The following MEGF9 variants were observed in gnomAD, a reference collection of about 807,000 sequenced individuals.
MEGF9 encodes the protein multiple epidermal growth factor-like domains protein 9.
In MEGF9, 6 loss-of-function variants were observed where a neutral mutation model predicts 46.8. The ratio of observed to expected loss-of-function variants is 0.13; its 90% CI spans 0.07 to 0.25. MEGF9 has a LOEUF of 0.25. Among genes scored for constraint, MEGF9 ranks in the 10% least tolerant of loss-of-function variants. The pLI is 1.00. For missense variants in MEGF9, 683 were observed against 792.4 expected, an observed-to-expected ratio of 0.86 and a Z score of 1.66; for synonymous variants, 302 against 330.7, an observed-to-expected ratio of 0.91 and a Z score of 0.94.
intron 3 of MEGF9, among the ~76,000 whole-genome samples, chr9:120,615,037 C>T (rs1222067605): frequency 6.6e-5 from 10 of 151,446 alleles, no homozygotes; most frequent in Admixed American, 4.6e-4. Context: ...GTCAGGAGTT[C>T]GAGACCAGCC....
chr9:120,677,192 G>C (rs561412996), intron 1 of MEGF9, among the ~76,000 whole-genome samples: 1 of 151,906 alleles, frequency 6.6e-6, no homozygotes, highest in Admixed American at 6.6e-5. Context: ...GCAGTGGCAC[G>C]ATCACAGCTC....
chr9:120,707,303 T>C (rs1039755121), intron 1 of MEGF9, among the ~76,000 whole-genome samples: 1 of 152,196 alleles, frequency 6.6e-6, no homozygotes, highest in African/African-American at 2.4e-5. Context: ...TGTAACTCAC[T>C]TGGTGGCAAA....
intron 2 of MEGF9, among the ~76,000 whole-genome samples, chr9:120,628,355 TTTA>T (rs2043534875): frequency 6.6e-6 from 1 of 152,086 alleles, no homozygotes; most frequent in Non-Finnish European, 1.5e-5. Flanking sequence ...AAAGGATAGC[TTTA>T]TTGTTGAAAA....
chr9:120,704,291 G>A (rs1247170935), intron 1 of MEGF9, among the ~76,000 whole-genome samples: 2 of 150,490 alleles, frequency 1.3e-5, no homozygotes, highest in Non-Finnish European at 1.5e-5. Context: ...CTGAGAATCC[G>A]CCACTGCATC....
chr9:120,675,006 G>A (rs1174310165), intron 1 of MEGF9, among the ~76,000 whole-genome samples: 1 of 151,836 alleles, frequency 6.6e-6, no homozygotes, highest in Non-Finnish European at 1.5e-5. Flanking sequence ...AGCTTCCCGA[G>A]TAGCTGGGAC....
chr9:120,714,266 GGCGGC>G lies in MEGF9; in HGVS notation c.88_92del (p.Ala30ArgfsTer38). 1 of 118,534 alleles carries G rather than the reference GGCGGC, an allele frequency of 8.4e-6. No individual in the cohort carries two copies. The highest frequency in any genetic ancestry group is 6.8e-4 in the Admixed American group (1 of 1,478). 7.3% of individuals were successfully genotyped at this position (118,534 alleles called of 1,614,324 possible). ...TCCCCGCCGAGGCGGCTGAGGCGAC[GGCGGC>G]GGCGGCGGCGGCGGCGGCGCAGCAC... On this transcript the variant is annotated frameshift_variant, in exon 1 of 6. Transcript: ENST00000373930. LOFTEE classifies it high-confidence loss of function.
intron 2 of MEGF9, among the ~76,000 whole-genome samples, chr9:120,647,695 T>G (rs1320956244): frequency 6.6e-6 from 1 of 152,234 alleles, no homozygotes; most frequent in Non-Finnish European, 1.5e-5. Context: ...TATGCTAGAT[T>G]AGATTTTGAG....
intron 2 of MEGF9, among the ~76,000 whole-genome samples, chr9:120,656,581 A>C (rs1397732895): frequency 6.6e-6 from 1 of 151,644 alleles, no homozygotes; most frequent in East Asian, 1.9e-4. Context: ...TAAATGAGAT[A>C]ATGCACATCA....
intron 1 of MEGF9, among the ~76,000 whole-genome samples, chr9:120,700,942 T>TAA (rs2043901888): frequency 1.3e-5 from 2 of 150,646 alleles, no homozygotes; most frequent in African/African-American, 4.9e-5. Context: ...ATAATAATAA[T>TAA]TAATTTAAAA....
chr9:120,707,249 A>G (rs1439455605), intron 1 of MEGF9, among the ~76,000 whole-genome samples: 3 of 152,212 alleles, frequency 2.0e-5, no homozygotes, highest in Non-Finnish European at 4.4e-5. Context: ...CAATCCCTCA[A>G]ATCTGATGCT....
At chr9:120,635,818 T>C (rs1176200236) in intron 2 of MEGF9, among the ~76,000 whole-genome samples, 1 of 152,210 alleles carries the variant, frequency 6.6e-6, no homozygotes, top group Non-Finnish European at 1.5e-5. Context: ...TTAGTTGATT[T>C]CCTTTTCATG....
chr9:120,648,889 A>C (rs2043637027), intron 2 of MEGF9, among the ~76,000 whole-genome samples: 1 of 152,172 alleles, frequency 6.6e-6, no homozygotes, highest in African/African-American at 2.4e-5. Flanking sequence ...TTACTTCATA[A>C]GTTTGCCTTT....
At chr9:120,699,883 A>T (rs1481418712) in intron 1 of MEGF9, among the ~76,000 whole-genome samples, 1 of 152,138 alleles carries the variant, frequency 6.6e-6, no homozygotes, top group Non-Finnish European at 1.5e-5. Flanking sequence ...ATACTAAAGG[A>T]CCTCAAACCT....
intron 2 of MEGF9, among the ~76,000 whole-genome samples, chr9:120,655,567 G>A (rs2043672901): frequency 6.6e-6 from 1 of 151,940 alleles, no homozygotes; most frequent in Non-Finnish European, 1.5e-5. Context: ...TGCATGAATC[G>A]TCCATCACTG....
intron 1 of MEGF9, among the ~76,000 whole-genome samples, chr9:120,677,669 T>C (rs1443566660): frequency 6.6e-6 from 1 of 152,188 alleles, no homozygotes; most frequent in Non-Finnish European, 1.5e-5. Flanking sequence ...ACTAAAACAA[T>C]ACAAGTATCT....
rs1445295699 is a variant in MEGF9, at chr9:120,679,840, A to C, written c.602-20265T>G. On this transcript the variant is annotated intron_variant, in intron 1 of 5. Coordinates refer to ENST00000373930, the MANE Select transcript of MEGF9 (RefSeq NM_001080497.3). ...GTAATCCCAGCTACTCAGGAGGCTG[A>C]GGCAGGAGAATCACCTGAACCCAGG... Among the ~76,000 whole-genome samples the C allele has an allele frequency of 2.7e-5, 4 of 150,794 alleles. No individual in the cohort carries two copies. In the East Asian group the frequency reaches 7.9e-4, roughly 30 times the overall value.
At chr9:120,673,084 C>T (rs1265717846) in intron 1 of MEGF9, among the ~76,000 whole-genome samples, 1 of 152,102 alleles carries the variant, frequency 6.6e-6, no homozygotes, top group Non-Finnish European at 1.5e-5. Flanking sequence ...AACTGTATTT[C>T]TATGTGTTAT....
chr9:120,714,128 G>C lies in MEGF9; in HGVS notation c.231C>G (p.Ala77=), dbSNP rs1477818182. 8.1e-7 allele frequency: 1 copy of C among 1,239,234 alleles called. No homozygotes were observed. Among genetic ancestry groups the C allele is most frequent in the Non-Finnish European group, 1.0e-6 (1 of 992,108 alleles). The allele number at this position is 1,239,234 out of a possible 1,614,324, so 76.8% of individuals were successfully genotyped here. ...FPRATAPTAQ[A]PRTGPPRATV... ...TGGCGCGCGGGGGCCCGGTCCTCGG[G>C]GCCTGGGCCGTGGGAGCCGTCGCCC... The change falls in exon 1 of 6, where the codon GCC becomes GCG. Residue 77 remains alanine, a synonymous_variant. Transcript: ENST00000373930.
At chr9:120,652,590 G>GCACACACACA (rs141794570) in intron 2 of MEGF9, among the ~76,000 whole-genome samples, 73 of 134,214 alleles carry the variant, frequency 5.4e-4, no homozygotes, top group African/African-American at 1.8e-3. Context: ...GTGGACACAG[G>GCACACACACA]CACACACACA....
Sources: allele counts gnomAD v4.1 joint callset (sites outside exome capture counted in the v4.1 genomes callset), GRCh38; gene constraint gnomAD v4.1.1; transcripts MANE v1.5; gene names NCBI Gene and HGNC (gene_info 2026-07-23, HGNC 2026-07-21).